DNAH3: variants seen among roughly 807,000 people sequenced by gnomAD.
DNAH3 encodes axonemal beta dynein heavy chain 3.
A neutral mutation model predicts 432.5 loss-of-function variants in DNAH3; 332 were observed. The observed-to-expected ratio is 0.77, with a 90% CI of 0.70 to 0.84. DNAH3 has a LOEUF of 0.84. DNAH3 is among the 40% of genes least tolerant of loss of function. The pLI is 0.00. For missense variants in DNAH3, 4,861 were observed against 5,114.0 expected, an observed-to-expected ratio of 0.95 and a Z score of 1.51; for synonymous variants, 1,956 against 1,900.2, an observed-to-expected ratio of 1.03 and a Z score of -0.76.
At chr16:21,029,350 GATA>G (rs1440747546) in intron 37 of DNAH3, among the ~76,000 whole-genome samples, 2 of 152,148 alleles carry the variant, frequency 1.3e-5, no homozygotes, top group Non-Finnish European at 2.9e-5. Context: ...ATTTTGATTT[GATA>G]ATGATGTATA....
At chr16:20,948,666 G>A (rs545341333) in intron 56 of DNAH3, 29 bp from the exon 57 acceptor site, 18 of 1,613,064 alleles carry the variant, frequency 1.1e-5, no homozygotes, top group Middle Eastern at 1.7e-4. Context: ...AGGAGAGGTT[G>A]AGCCCAGGGA....
chr16:21,117,465 T>C (rs868129195), intron 11 of DNAH3, 126 bp from the exon 12 acceptor site: 1 of 670,242 alleles, frequency 1.5e-6, no homozygotes, highest in Middle Eastern at 2.4e-4. Flanking sequence ...TATTTCCTCT[T>C]AGATAGTGCT....
chr16:21,094,506 A>G (rs1232391030), intron 18 of DNAH3, among the ~76,000 whole-genome samples: 3 of 152,116 alleles, frequency 2.0e-5, no homozygotes, highest in African/African-American at 7.2e-5. Context: ...CCCCGGCTCT[A>G]CGAAAAATGC....
chr16:21,101,711 G>C (rs1352188356), intron 16 of DNAH3, among the ~76,000 whole-genome samples: 1 of 152,202 alleles, frequency 6.6e-6, no homozygotes, highest in Non-Finnish European at 1.5e-5. Context: ...ATGGAAACTG[G>C]AACCATGGAG....
At chr16:21,141,221 G>C (rs971380805) in intron 4 of DNAH3, 79 bp downstream of exon 5, 1 of 930,960 alleles carries the variant, frequency 1.1e-6, no homozygotes, top group African/African-American at 1.7e-5. Context: ...CCAAGAAGCA[G>C]AGTGTGGCTT....
intron 7 of DNAH3, among the ~76,000 whole-genome samples, chr16:21,131,362 G>A (rs1316273498): frequency 6.7e-6 from 1 of 149,070 alleles, no homozygotes; most frequent in African/African-American, 2.5e-5. Context: ...GAAAGAAACA[G>A]GGTCACAGAG....
chr16:21,076,751 T>C (rs1406318507), intron 20 of DNAH3, among the ~76,000 whole-genome samples: 3 of 152,184 alleles, frequency 2.0e-5, no homozygotes, highest in Admixed American at 2.0e-4. Context: ...AAACTTACCA[T>C]TGTGCTACTG....
chr16:21,063,350 A>ACTTC (rs1292605168), intron 24 of DNAH3, among the ~76,000 whole-genome samples: 1 of 151,940 alleles, frequency 6.6e-6, no homozygotes, highest in Admixed American at 6.6e-5. Context: ...GGAGAGAGAG[A>ACTTC]CTTCCTTGTC....
chr16:21,129,036 T>A (rs2092502493), intron 7 of DNAH3, among the ~76,000 whole-genome samples: 1 of 151,982 alleles, frequency 6.6e-6, no homozygotes, highest in Non-Finnish European at 1.5e-5. Flanking sequence ...CTCCAAACCC[T>A]CCAATGACTT....
chr16:21,156,933 A>C (rs2092901494), intron 1 of DNAH3, among the ~76,000 whole-genome samples: 1 of 112,740 alleles, frequency 8.9e-6, no homozygotes, highest in East Asian at 3.9e-4. Context: ...TGGAAACCCT[A>C]ACTCAGCTTT....
At chr16:21,070,763 T>G (rs201450446) in exon 22 of DNAH3, 22 of 1,613,586 alleles carry the variant, frequency 1.4e-5, no homozygotes, top group Non-Finnish European at 1.9e-5. Flanking sequence ...ATGGTCTGGG[T>G]CTTTATCACG....
At chr16:21,123,516 A>G (rs1297967949) in intron 9 of DNAH3, among the ~76,000 whole-genome samples, 2 of 152,186 alleles carry the variant, frequency 1.3e-5, no homozygotes, top group South Asian at 2.1e-4. Context: ...GACAATCACA[A>G]TGACATTTAT....
intron 5 of DNAH3, 116 bp downstream of exon 6, chr16:21,140,418 CTT>C (rs2152828445): frequency 9.0e-7 from 1 of 1,108,074 alleles, no homozygotes; most frequent in Admixed American, 2.2e-5. Context: ...TGGGTCTAGA[CTT>C]TGGTGTTTTT....
At chr16:21,046,358 C>G (rs2089696705) in intron 31 of DNAH3, among the ~76,000 whole-genome samples, 1 of 150,294 alleles carries the variant, frequency 6.7e-6, no homozygotes, top group Non-Finnish European at 1.5e-5. Context: ...TCTTGGTGCT[C>G]CTGTATTGGG....
intron 15 of DNAH3, chr16:21,104,568 G>A (rs747335681): frequency 1.2e-6 from 2 of 1,611,540 alleles, no homozygotes; most frequent in Non-Finnish European, 1.7e-6. Flanking sequence ...CAGAGGAACA[G>A]AGTGCTGTTC....
chr16:21,042,039 G>T lies in DNAH3; in HGVS notation c.4626C>A (p.Pro1542=), dbSNP rs150869091. Residue 1542 remains proline, a synonymous_variant, in exon 32 of 62, where the codon CCC becomes CCA. Transcript: ENST00000261383. ...TGCTGGCATTTACCTTGAGATTGTCGGGCAGTTCAGCCCTGCCAGCATACC... is the reference window on the plus strand; with the variant it reads ...TGCTGGCATTTACCTTGAGATTGTCTGGCAGTTCAGCCCTGCCAGCATACC... The T allele has an allele frequency of 1.9e-3, 3,025 of 1,613,640 alleles. 7 individuals are homozygous for T. The highest frequency in any genetic ancestry group is 2.4e-3 in the Non-Finnish European group (2,826 of 1,179,868).
intron 10 of DNAH3, 68 bp downstream of exon 11, chr16:21,121,877 C>G: frequency 7.1e-7 from 1 of 1,418,158 alleles, no homozygotes; most frequent in Non-Finnish European, 9.6e-7. Flanking sequence ...CTTGTACAAC[C>G]TCTTTCAATA....
At chr16:21,021,913 G>C in intron 40 of DNAH3, 58 bp downstream of exon 40, 2 of 1,569,576 alleles carry the variant, frequency 1.3e-6, no homozygotes, top group Non-Finnish European at 1.7e-6. Context: ...AAAAAAAAAA[G>C]AAATAGCCAA....
chr16:20,940,453 G>T (rs1295945190), intron 59 of DNAH3, among the ~76,000 whole-genome samples: 1 of 152,018 alleles, frequency 6.6e-6, no homozygotes, highest in Non-Finnish European at 1.5e-5. Context: ...AAGGGATAGG[G>T]TCTTTCTCTG....
Sources: gnomAD v4.1 joint callset for allele counts (sites outside exome capture counted in the v4.1 genomes callset) on GRCh38, gnomAD v4.1.1 for gene constraint, MANE v1.5 for transcripts, NCBI Gene and HGNC (gene_info 2026-07-23, HGNC 2026-07-21) for gene names.